The following STARD13 variants were observed in gnomAD, a reference collection of about 807,000 sequenced individuals.
STARD13 encodes the protein stAR-related lipid transfer protein 13.
STARD13 carries 62 observed loss-of-function variants against 106.4 expected under a neutral mutation model. The ratio of observed to expected loss-of-function variants is 0.58; its 90% CI spans 0.48 to 0.72. The LOEUF (loss-of-function observed/expected upper bound fraction) is 0.72, where lower values mean the gene tolerates loss of function less well. Ranked by LOEUF, STARD13 falls within the 30% of genes least tolerant of loss-of-function variation. The probability of loss-of-function intolerance (pLI) is 0.00; values close to 1 mark genes in which losing one functional copy is unlikely to be tolerated. For missense variants in STARD13, 1,387 were observed against 1,424.0 expected, an observed-to-expected ratio of 0.97 and a Z score of 0.42; for synonymous variants, 565 against 553.0, an observed-to-expected ratio of 1.02 and a Z score of -0.31.
chr13:33,123,983 G>C (rs1167286750), intron 7 of STARD13, among the ~76,000 whole-genome samples: 1 of 152,198 alleles, frequency 6.6e-6, no homozygotes, highest in Non-Finnish European at 1.5e-5. Context: ...TCAAGGCCTT[G>C]GGCAGACTGG....
At chr13:33,207,084 A>C (rs1377525820) in intron 1 of STARD13, among the ~76,000 whole-genome samples, 2 of 152,228 alleles carry the variant, frequency 1.3e-5, no homozygotes, top group East Asian at 1.9e-4. Context: ...ATACATGTTT[A>C]ATCTGGCAGA....
At chr13:33,492,407 G>A in the STARD13 span, among the ~76,000 whole-genome samples, 2 of 152,260 alleles carry the variant, frequency 1.3e-5, no homozygotes, top group East Asian at 1.9e-4. Flanking sequence ...GATAAAATGA[G>A]GTTGAAACCT....
At chr13:33,137,894 GA>G (rs1161065146) in intron 4 of STARD13, among the ~76,000 whole-genome samples, 1 of 146,212 alleles carries the variant, frequency 6.8e-6, no homozygotes, top group East Asian at 2.2e-4. Context: ...CATTTGGTGG[GA>G]GATGCGGGGG....
chr13:33,662,319 T>C, the STARD13 span, among the ~76,000 whole-genome samples: 1 of 152,206 alleles, frequency 6.6e-6, no homozygotes, highest in African/African-American at 2.4e-5. Flanking sequence ...CTGTCTGGGT[T>C]TCCCAATCAG....
intron 1 of STARD13, among the ~76,000 whole-genome samples, chr13:33,250,256 T>C (rs999316423): frequency 6.6e-6 from 1 of 152,210 alleles, no homozygotes; most frequent in Non-Finnish European, 1.5e-5. Context: ...AGTCAGTTAC[T>C]TTGGGGGGCC....
the STARD13 span, among the ~76,000 whole-genome samples, chr13:33,506,760 C>A: frequency 1.3e-5 from 2 of 152,140 alleles, no homozygotes; most frequent in Non-Finnish European, 2.9e-5. Context: ...GAAATTACCA[C>A]TTGTTGAGTT....
At chr13:33,433,078 A>G in the STARD13 span, among the ~76,000 whole-genome samples, 2 of 152,214 alleles carry the variant, frequency 1.3e-5, no homozygotes, top group African/African-American at 4.8e-5. Context: ...TTTTCAGCAA[A>G]CGTCTGTTAT....
At chr13:33,231,006 G>A (rs940423736) in intron 1 of STARD13, among the ~76,000 whole-genome samples, 3 of 152,188 alleles carry the variant, frequency 2.0e-5, no homozygotes, top group African/African-American at 7.2e-5. Flanking sequence ...GAGAGATTGG[G>A]ACACTAGCTT....
chr13:33,515,522 G>A, the STARD13 span, among the ~76,000 whole-genome samples: 1 of 152,112 alleles, frequency 6.6e-6, no homozygotes, highest in South Asian at 2.1e-4. Flanking sequence ...AGAAATGAAG[G>A]ACAGGAAAGC....
intron 1 of STARD13, among the ~76,000 whole-genome samples, chr13:33,170,317 A>T (rs559316074): frequency 9.2e-5 from 14 of 152,340 alleles, no homozygotes; most frequent in Admixed American, 4.6e-4. Context: ...TGAAAAATTT[A>T]AAAATTTTGA....
At chr13:33,598,032 T>C in the STARD13 span, among the ~76,000 whole-genome samples, 12 of 152,302 alleles carry the variant, frequency 7.9e-5, no homozygotes, top group African/African-American at 2.4e-4. Flanking sequence ...CTTCAAGAGC[T>C]TATTAATCAT....
the STARD13 span, among the ~76,000 whole-genome samples, chr13:33,416,356 G>T: frequency 3.3e-5 from 5 of 152,316 alleles, no homozygotes; most frequent in South Asian, 1.0e-3. Context: ...AGTTGTAAGG[G>T]TGGTAAGATT....
In STARD13 at chr13:33,300,214, A is replaced by G. The variant is rs553207787; in HGVS notation, c.124+50076T>C. ...AGTTAAGCCTCATAAAGCTCTTGTAAGGGTTAAATTAGCTTATGTATATGA... is the reference window on the plus strand; with the variant it reads ...AGTTAAGCCTCATAAAGCTCTTGTAGGGGTTAAATTAGCTTATGTATATGA... On this transcript the variant is annotated intron_variant, in intron 1 of 5. Coordinates refer to the STARD13 transcript ENST00000567873. Among the ~76,000 whole-genome samples, 15 of 152,282 alleles carry G rather than the reference A, an allele frequency of 9.9e-5. No individual in the cohort carries two copies. In the South Asian group the frequency reaches 2.7e-3, roughly 27 times the overall value.
the STARD13 span, among the ~76,000 whole-genome samples, chr13:33,569,716 C>A: frequency 2.0e-5 from 3 of 147,750 alleles, no homozygotes; most frequent in Admixed American, 1.4e-4. Context: ...AATTGATTGA[C>A]TTTTTTGACT....
chr13:33,193,699 G>C (rs921051238), intron 1 of STARD13, among the ~76,000 whole-genome samples: 1 of 152,086 alleles, frequency 6.6e-6, no homozygotes, highest in South Asian at 2.1e-4. Context: ...GACTTCCTGT[G>C]GTGTTTTTGT....
chr13:33,395,901 GT>G, the STARD13 span, among the ~76,000 whole-genome samples: 2 of 152,128 alleles, frequency 1.3e-5, no homozygotes. Context: ...GAGTGTAATG[GT>G]GCCATCATGG....
chr13:33,299,033 G>A (rs771842767), intron 1 of STARD13, among the ~76,000 whole-genome samples: 20 of 152,092 alleles, frequency 1.3e-4, no homozygotes, highest in Non-Finnish European at 2.5e-4. Flanking sequence ...AATAGCATAC[G>A]TTTACCGTAC....
the STARD13 span, chr13:33,519,990 A>G: frequency 6.6e-6 from 1 of 152,258 alleles, no homozygotes; most frequent in South Asian, 2.1e-4. Flanking sequence ...ATTTTCTCTA[A>G]ATATCCTCTT....
chr13:33,439,769 C>T, the STARD13 span: 16 of 1,016,882 alleles, frequency 1.6e-5, no homozygotes, highest in Non-Finnish European at 1.1e-5. Context: ...AATTATACCA[C>T]TTTTGTGAAG....
Sources: allele counts gnomAD v4.1 joint callset (sites outside exome capture counted in the v4.1 genomes callset), GRCh38; gene constraint gnomAD v4.1.1; transcripts MANE v1.5; gene names NCBI Gene and HGNC (gene_info 2026-07-23, HGNC 2026-07-21).